Variants in SLC35E2B observed in about 807,000 individuals in gnomAD.
SLC35E2B encodes the protein solute carrier family 35 member E2B, also known as solute carrier family 35, member E2B.
SLC35E2B carries 18 observed loss-of-function variants against 32.4 expected under a neutral mutation model. That is an observed-to-expected ratio of 0.56 (90% CI 0.38 to 0.82). The LOEUF (loss-of-function observed/expected upper bound fraction) is 0.82, where lower values mean the gene tolerates loss of function less well. Among genes scored for constraint, SLC35E2B ranks in the 40% least tolerant of loss-of-function variants. The pLI, the probability that SLC35E2B is intolerant of heterozygous loss-of-function variation, is 0.00. For synonymous variants in SLC35E2B, 132 were observed against 209.1 expected, an observed-to-expected ratio of 0.63 and a Z score of 3.18; for missense variants, 263 against 469.5, an observed-to-expected ratio of 0.56 and a Z score of 4.06.
rs1205829978 is a variant in SLC35E2B, at chr1:1,664,265, A to C, written c.*1517T>G. On this transcript the variant is annotated 3_prime_UTR_variant, in exon 10 of 10. Transcript: ENST00000617444. ...TGGCAGACTTTTTTGAGTAGGTAGAAGTTAATGAGTCAGAATTATTGCTCT... is the reference window on the plus strand; with the variant it reads ...TGGCAGACTTTTTTGAGTAGGTAGACGTTAATGAGTCAGAATTATTGCTCT... 1.2e-6 allele frequency: 1 copy of C among 858,920 alleles called. No individual in the cohort carries two copies. Among genetic ancestry groups the C allele is most frequent in the East Asian group, 1.2e-4 (1 of 8,568 alleles). 53.2% of individuals were successfully genotyped at this position (858,920 alleles called of 1,614,324 possible). A position where few individuals can be genotyped will look rare whatever the true frequency, so the allele number is the denominator to read the frequency against.
rs1643688484 is a variant in SLC35E2B at position 1,671,450 on chromosome 1, C to T, written c.707+59G>A. On this transcript the variant is annotated intron_variant, in intron 6 of 9. Coordinates refer to ENST00000617444, the MANE Select transcript of SLC35E2B (RefSeq NM_001290264.2). ...TCAGCTCACCTGAGAATCTGCACAC[C>T]CAGATGCAGGTGAGCACCGGGTCTC... 9 of 1,355,428 alleles carry T rather than the reference C, an allele frequency of 6.6e-6. No homozygotes were observed. The South Asian group carries it at 1.1e-4, about 16-fold the overall frequency. The allele number at this position is 1,355,428 out of a possible 1,614,324, so 84.0% of individuals were successfully genotyped here.
At position 1,663,025 on chromosome 1, in the gene SLC35E2B, A is replaced by G; in HGVS notation, c.*2757T>C. The G allele has an allele frequency of 1.1e-6, 1 of 949,436 alleles. No individual in the cohort carries two copies. Among genetic ancestry groups the G allele is most frequent in the Non-Finnish European group, 1.3e-6 (1 of 797,282 alleles). 58.8% of individuals were successfully genotyped at this position (949,436 alleles called of 1,614,324 possible). On this transcript the variant is annotated 3_prime_UTR_variant, in exon 10 of 10. Coordinates refer to ENST00000617444, the MANE Select transcript of SLC35E2B (RefSeq NM_001290264.2). Reference sequence around the variant, plus strand: ...CTGTGCTGGGAATGCCATGAAGACCAGCGGCTGGAAACTGACTTGGGCATG... The same window carrying G: ...CTGTGCTGGGAATGCCATGAAGACCGGCGGCTGGAAACTGACTTGGGCATG...
At chr1:1,683,002 T>C (rs1196471845) in intron 2 of SLC35E2B, among the ~76,000 whole-genome samples, 1 of 151,842 alleles carries the variant, frequency 6.6e-6, no homozygotes, top group Admixed American at 6.6e-5. Context: ...GCTTGAACCC[T>C]GGAGGTGGAA....
In SLC35E2B at chr1:1,677,936, G is replaced by A. The variant is rs145228148; in HGVS notation, c.-147-1090C>T. ...CCCCCAGCTGGGGCTTTGCACAGAC[G>A]CCACTGTGACTCCGCAGCACCGAGA... is the stretch of plus-strand genomic sequence containing the variant. On this transcript the variant is annotated intron_variant, in intron 2 of 9. Transcript: ENST00000617444. Among the ~76,000 whole-genome samples the A allele has an allele frequency of 1.1e-3, 171 of 150,728 alleles. 7 individuals carry two copies. Among genetic ancestry groups the A allele is most frequent in the East Asian group, 9.5e-3 (48 of 5,074 alleles).
At chr1:1,671,959 C>T in intron 5 of SLC35E2B, 1 of 202,442 alleles carries the variant, frequency 4.9e-6, no homozygotes, top group Non-Finnish European at 9.9e-6. Flanking sequence ...AGGAGATGGT[C>T]CCCAGGGAAC....
chr1:1,667,403 ACT>A (rs1643575604), intron 9 of SLC35E2B, among the ~76,000 whole-genome samples: 1 of 144,652 alleles, frequency 6.9e-6, no homozygotes, highest in Admixed American at 7.3e-5. Flanking sequence ...AAAGAGTGAG[ACT>A]CTGTCTCAAA....
intron 2 of SLC35E2B, among the ~76,000 whole-genome samples, chr1:1,686,124 C>T (rs1416460531): frequency 3.3e-5 from 5 of 152,146 alleles, no homozygotes; most frequent in Non-Finnish European, 7.3e-5. Flanking sequence ...CCTGCCTCAG[C>T]CTCCCGGGTA....
chr1:1,668,247 C>T (rs1643592539), intron 9 of SLC35E2B, 80 bp downstream of exon 9: 1 of 1,502,028 alleles, frequency 6.7e-7, no homozygotes. Flanking sequence ...ACATGTGTCC[C>T]TTATAAAAAT....
At chr1:1,686,416 T>C (rs1352990967) in intron 2 of SLC35E2B, among the ~76,000 whole-genome samples, 2 of 151,148 alleles carry the variant, frequency 1.3e-5, no homozygotes, top group African/African-American at 2.4e-5. Flanking sequence ...GATTTCATCA[T>C]GTGAGTGAAG....
At chr1:1,674,879 G>A (rs948948308) in intron 5 of SLC35E2B, among the ~76,000 whole-genome samples, 34 of 152,250 alleles carry the variant, frequency 2.2e-4, no homozygotes, top group South Asian at 2.1e-4. Context: ...CTCTGTGGGC[G>A]CCTCTGCTCC....
At chr1:1,674,941 C>T (rs1643804274) in intron 5 of SLC35E2B, among the ~76,000 whole-genome samples, 1 of 152,116 alleles carries the variant, frequency 6.6e-6, no homozygotes, top group Non-Finnish European at 1.5e-5. Flanking sequence ...GCTGACATGT[C>T]GCTGGAAATC....
At position 1,675,100 on chromosome 1, in the gene SLC35E2B, C is replaced by T. The variant is rs900325313; in HGVS notation, c.586+363G>A. Among the ~76,000 whole-genome samples the T allele has an allele frequency of 3.5e-4, 53 of 151,252 alleles. 2 individuals are homozygous for T. The highest frequency in any genetic ancestry group is 1.1e-3 in the African/African-American group (47 of 41,026). ...GGGCCCACGGACCAGGAGCCACGGCCGCCTGTGTGGTGCTGGCCGAAGGCG... is the reference window on the plus strand; with the variant it reads ...GGGCCCACGGACCAGGAGCCACGGCTGCCTGTGTGGTGCTGGCCGAAGGCG... On this transcript the variant is annotated intron_variant, in intron 5 of 9. Transcript: ENST00000617444.
Position 1,664,511 on chromosome 1 carries a change from G to A in SLC35E2B, c.*1271C>T, listed in dbSNP as rs544292261. 2.8e-5 allele frequency: 26 copies of A among 916,508 alleles called. 1 individual carries two copies. Among genetic ancestry groups the A allele is most frequent in the African/African-American group, 2.4e-4 (13 of 54,960 alleles). The allele number at this position is 916,508 out of a possible 1,614,324, so 56.8% of individuals were successfully genotyped here. On this transcript the variant is annotated 3_prime_UTR_variant, in exon 10 of 10. Coordinates refer to ENST00000617444, the MANE Select transcript of SLC35E2B (RefSeq NM_001290264.2). ...CAGGCTGCACCGGGCATGGGAATCC[G>A]CCAGCTGCGAGATTGGGGGTAAAGA...
At chr1:1,679,194 G>GAGCAAGGA (rs1643879002) in intron 2 of SLC35E2B, among the ~76,000 whole-genome samples, 1 of 152,194 alleles carries the variant, frequency 6.6e-6, no homozygotes, top group Non-Finnish European at 1.5e-5. Flanking sequence ...ACCCCTCCAG[G>GAGCAAGGA]AGCAAGGAAC....
At chr1:1,683,589 G>C (rs1283083996) in intron 2 of SLC35E2B, among the ~76,000 whole-genome samples, 1 of 151,988 alleles carries the variant, frequency 6.6e-6, no homozygotes, top group Non-Finnish European at 1.5e-5. Flanking sequence ...TCATTCACGG[G>C]TTTTTACAGC....
At chr1:1,681,686 T>A in intron 2 of SLC35E2B, among the ~76,000 whole-genome samples, 1 of 150,506 alleles carries the variant, frequency 6.6e-6, no homozygotes, top group East Asian at 2.0e-4. Flanking sequence ...TTTGTACTTT[T>A]AGAAGAGATA....
chr1:1,671,476 G>A (rs750388180), intron 6 of SLC35E2B, 33 bp downstream of exon 6: 18 of 1,415,346 alleles, frequency 1.3e-5, no homozygotes, highest in South Asian at 4.6e-5. Context: ...ACCGGGTCTC[G>A]TCCCCCTCAC....
At chr1:1,675,273 C>G (rs1643813115) in intron 5 of SLC35E2B, among the ~76,000 whole-genome samples, 190 bp downstream of exon 5, 1 of 150,384 alleles carries the variant, frequency 6.6e-6, no homozygotes, top group South Asian at 2.1e-4. Context: ...GTGAGAATAC[C>G]TGGCAGACGC....
intron 2 of SLC35E2B, among the ~76,000 whole-genome samples, chr1:1,682,038 A>AAAAAAAAAAAAG (rs1643904453): frequency 8.4e-6 from 1 of 118,578 alleles, no homozygotes; most frequent in Non-Finnish European, 1.7e-5. Context: ...AAAAAAAAAA[A>AAAAAAAAAAAAG]AAGAAGAGAC....
Sources: gnomAD v4.1 joint callset for allele counts (sites outside exome capture counted in the v4.1 genomes callset) on GRCh38, gnomAD v4.1.1 for gene constraint, MANE v1.5 for transcripts, NCBI Gene and HGNC (gene_info 2026-07-23, HGNC 2026-07-21) for gene names.